Variants in NOL10 observed in about 807,000 individuals in gnomAD.
NOL10 encodes the protein H_NH0074G24.1.
In NOL10, 58 loss-of-function variants were observed where a neutral mutation model predicts 103.5. The observed-to-expected ratio is 0.56, with a 90% CI of 0.45 to 0.70. NOL10 has a LOEUF of 0.70. Ranked by LOEUF, NOL10 falls within the 30% of genes least tolerant of loss-of-function variation. The probability of loss-of-function intolerance (pLI) is 0.00; values close to 1 mark genes in which losing one functional copy is unlikely to be tolerated. For synonymous variants in NOL10, 287 were observed against 282.5 expected (o/e 1.02, Z -0.16); for missense variants, 763 against 807.3 (o/e 0.95, Z 0.67).
chr2:10,665,450 A>G (rs1680510103), intron 8 of NOL10, among the ~76,000 whole-genome samples: 1 of 152,232 alleles, frequency 6.6e-6, no homozygotes, highest in Non-Finnish European at 1.5e-5. Context: ...AAGAAACTAA[A>G]ATCTGAGATG....
At chr2:10,608,345 A>T (rs1475849616) in intron 13 of NOL10, among the ~76,000 whole-genome samples, 1 of 152,240 alleles carries the variant, frequency 6.6e-6, no homozygotes, top group Non-Finnish European at 1.5e-5. Context: ...CCAACTATGA[A>T]AAAATATAAT....
At chr2:10,681,044 G>A (rs1408472213) in intron 3 of NOL10, among the ~76,000 whole-genome samples, 3 of 152,100 alleles carry the variant, frequency 2.0e-5, no homozygotes, top group South Asian at 4.1e-4. Context: ...TTTGGGGAAC[G>A]ACTTAGAAGT....
At chr2:10,671,277 C>T (rs1387026967) in intron 6 of NOL10, among the ~76,000 whole-genome samples, 1 of 152,148 alleles carries the variant, frequency 6.6e-6, no homozygotes, top group Admixed American at 6.5e-5. Flanking sequence ...AGGCACATAA[C>T]TATCACAGAT....
intron 12 of NOL10, among the ~76,000 whole-genome samples, chr2:10,649,721 C>T (rs373852308): frequency 1.3e-5 from 2 of 152,134 alleles, no homozygotes; most frequent in African/African-American, 4.8e-5. Flanking sequence ...AAGGGCCAGG[C>T]AGTACACACT....
intron 1 of NOL10, among the ~76,000 whole-genome samples, chr2:10,687,894 C>A (rs1682328803): frequency 6.6e-6 from 1 of 152,152 alleles, no homozygotes. Flanking sequence ...TTGCAGTGAG[C>A]CAACATCAGG....
Position 10,587,043 on chromosome 2 carries a change from GTA to G in NOL10, c.1844+1998_1844+1999del, listed in dbSNP as rs1392448914. 5.3e-3 allele frequency among the ~76,000 whole-genome samples: 325 copies of G among 60,812 alleles called. 36 individuals carry two copies. Among genetic ancestry groups the G allele is most frequent in the Middle Eastern group, 0.025 (3 of 122 alleles). The allele number at this position is 60,812 out of a possible 152,430, so 39.9% of individuals were successfully genotyped here. A position where few individuals can be genotyped will look rare whatever the true frequency, so the allele number is the denominator to read the frequency against. On this transcript the variant is annotated intron_variant, in intron 19 of 20. Coordinates refer to ENST00000381685, the MANE Select transcript of NOL10 (RefSeq NM_024894.4). ...AAATAAATAACACAAAAAGTTAAAT[GTA>G]TATATATATACATATATATATACAT...
At chr2:10,686,015 T>C (rs766041210) in intron 1 of NOL10, among the ~76,000 whole-genome samples, 3 of 151,966 alleles carry the variant, frequency 2.0e-5, no homozygotes, top group Non-Finnish European at 4.4e-5. Context: ...TGAGCCATGA[T>C]TGTGCCACTG....
intron 17 of NOL10, among the ~76,000 whole-genome samples, chr2:10,596,023 A>G (rs1466501108): frequency 3.9e-5 from 6 of 152,162 alleles, no homozygotes; most frequent in African/African-American, 1.4e-4. Context: ...AATATTTTGG[A>G]TGTTAAAACT....
chr2:10,674,309 C>T (rs964870691), intron 4 of NOL10, among the ~76,000 whole-genome samples: 12 of 152,064 alleles, frequency 7.9e-5, no homozygotes, highest in Non-Finnish European at 1.6e-4. Context: ...CCCATTAACT[C>T]CTTTCCCCTC....
intron 5 of NOL10, 147 bp downstream of exon 5, chr2:10,673,373 C>T: frequency 2.2e-6 from 1 of 462,668 alleles, no homozygotes; most frequent in South Asian, 6.7e-5. Flanking sequence ...TTACATTTTA[C>T]TACACAGCCA....
rs1372784072 is a variant in NOL10 at position 10,638,440 on chromosome 2, G to GA, written c.1026+5879dup. Among the ~76,000 whole-genome samples, 7 of 120,710 alleles carry GA rather than the reference G, an allele frequency of 5.8e-5. No homozygotes were observed. In the East Asian group the frequency reaches 1.9e-3, roughly 33 times the overall value. 79.2% of individuals were successfully genotyped at this position (120,710 alleles called of 152,430 possible). On this transcript the variant is annotated intron_variant, in intron 13 of 20. Coordinates refer to ENST00000381685, the MANE Select transcript of NOL10 (RefSeq NM_024894.4). The stretch of plus-strand genomic sequence containing the variant: ...ATCTTAAATAGTGACATTAAAAAAA[G>GA]AAAAAAACAAAAACAAAGCACATAC...
chr2:10,605,179 C>T (rs1275713408), intron 14 of NOL10, among the ~76,000 whole-genome samples: 1 of 152,204 alleles, frequency 6.6e-6, no homozygotes, highest in Non-Finnish European at 1.5e-5. Flanking sequence ...AAACCCATGT[C>T]AGTCTACCTG....
At position 10,587,275 on chromosome 2, in the gene NOL10, A is replaced by ATATTTTTT. The variant is rs1280231319; in HGVS notation, c.1844+1767_1844+1768insAAAAAATA. Among the ~76,000 whole-genome samples the ATATTTTTT allele has an allele frequency of 3.5e-4, 8 of 22,562 alleles. 2 individuals are homozygous for ATATTTTTT. Among genetic ancestry groups the ATATTTTTT allele is most frequent in the African/African-American group, 2.0e-3 (7 of 3,476 alleles). The allele number at this position is 22,562 out of a possible 152,430, so 14.8% of individuals were successfully genotyped here. Reference sequence around the variant, plus strand: ...TATATATACACATATATATATATATATTTTTTTTTTTTTTGAGATGGAGTC... The same window carrying ATATTTTTT: ...TATATATACACATATATATATATATATATTTTTTTTTTTTTTTTTTTTGAGATGGAGTC... On this transcript the variant is annotated intron_variant, in intron 19 of 20. Coordinates refer to ENST00000381685, the MANE Select transcript of NOL10 (RefSeq NM_024894.4).
chr2:10,571,863 C>T lies in NOL10; in HGVS notation c.*208G>A. On this transcript the variant is annotated 3_prime_UTR_variant, in exon 21 of 21. Coordinates refer to ENST00000381685, the MANE Select transcript of NOL10 (RefSeq NM_024894.4). ...TCCAGGGAGCAACGACTCGCAAGCA[C>T]ACCCCTGGGGCTGTGCGGTGGCCGT... The T allele has an allele frequency of 2.2e-6, 1 of 452,726 alleles. No homozygotes were observed. Among genetic ancestry groups the T allele is most frequent in the Non-Finnish European group, 3.9e-6 (1 of 258,602 alleles). 28.0% of individuals were successfully genotyped at this position (452,726 alleles called of 1,614,324 possible). A position where few individuals can be genotyped will look rare whatever the true frequency, so the allele number is the denominator to read the frequency against.
At chr2:10,664,615 T>C (rs1194415545) in intron 8 of NOL10, among the ~76,000 whole-genome samples, 1 of 152,192 alleles carries the variant, frequency 6.6e-6, no homozygotes, top group African/African-American at 2.4e-5. Context: ...TCACAGCGTA[T>C]TGCAGCCTCC....
At chr2:10,577,534 G>A (rs1271511184) in intron 20 of NOL10, 102 bp downstream of exon 20, 4 of 823,866 alleles carry the variant, frequency 4.9e-6, no homozygotes, top group African/African-American at 3.4e-5. Context: ...CCTCAATAGG[G>A]GAAAAGCATT....
intron 19 of NOL10, among the ~76,000 whole-genome samples, chr2:10,584,124 C>T (rs1674902899): frequency 6.6e-6 from 1 of 152,172 alleles, no homozygotes; most frequent in Admixed American, 6.5e-5. Context: ...ATCTTTCCCA[C>T]CAGCCCTGAA....
chr2:10,660,141 G>A (rs529796353), intron 9 of NOL10, among the ~76,000 whole-genome samples: 7 of 152,126 alleles, frequency 4.6e-5, no homozygotes, highest in Admixed American at 1.3e-4. Context: ...GTTGGCTGTC[G>A]GCATCATCAG....
At chr2:10,630,191 TA>T (rs1218602986) in intron 13 of NOL10, among the ~76,000 whole-genome samples, 2 of 152,360 alleles carry the variant, frequency 1.3e-5, no homozygotes, top group East Asian at 3.9e-4. Context: ...TGAATGAGTA[TA>T]TCCATTCTAC....
Sources: allele counts gnomAD v4.1 joint callset (sites outside exome capture counted in the v4.1 genomes callset), GRCh38; gene constraint gnomAD v4.1.1; transcripts MANE v1.5; gene names NCBI Gene and HGNC (gene_info 2026-07-23, HGNC 2026-07-21).